Variants in BTN3A3 observed in about 807,000 individuals in gnomAD.
BTN3A3 encodes butyrophilin 3.
BTN3A3 carries 39 observed loss-of-function variants against 43.2 expected under a neutral mutation model. The ratio of observed to expected loss-of-function variants is 0.90; its 90% CI spans 0.70 to 1.18. The LOEUF (loss-of-function observed/expected upper bound fraction) is 1.18, where lower values mean the gene tolerates loss of function less well. BTN3A3 is among the 50% of genes most tolerant of loss of function. The pLI is 0.00. For synonymous variants in BTN3A3, 255 were observed against 272.7 expected, an observed-to-expected ratio of 0.93 and a Z score of 0.64; for missense variants, 631 against 722.8, an observed-to-expected ratio of 0.87 and a Z score of 1.46.
intron 1 of BTN3A3, among the ~76,000 whole-genome samples, chr6:26,442,541 C>A (rs1227805889): frequency 6.6e-6 from 1 of 152,144 alleles, no homozygotes; most frequent in Non-Finnish European, 1.5e-5. Flanking sequence ...CTTAGTGTAT[C>A]ACCATTATCT....
chr6:26,448,105 G>A, intron 5 of BTN3A3, 143 bp from the exon 6 acceptor site: 1 of 938,498 alleles, frequency 1.1e-6, no homozygotes, highest in Non-Finnish European at 1.5e-6. Flanking sequence ...AGTCCTCTGA[G>A]ACTTTAGGGA....
intron 10 of BTN3A3, 97 bp from the exon 11 acceptor site, chr6:26,451,578 A>G: frequency 4.0e-6 from 6 of 1,511,160 alleles, no homozygotes; most frequent in Middle Eastern, 4.9e-4. Flanking sequence ...CAGGTTCTGG[A>G]AGGACCTCCT....
intron 10 of BTN3A3, among the ~76,000 whole-genome samples, chr6:26,451,221 C>T (rs1211254969): frequency 6.6e-6 from 1 of 152,098 alleles, no homozygotes; most frequent in African/African-American, 2.4e-5. Context: ...ATTTTTATCC[C>T]CATTTTTCAG....
Position 26,451,769 on chromosome 6 carries a change from G to A in BTN3A3, c.1113G>A (p.Leu371=), listed in dbSNP as rs1315237765. The A allele has an allele frequency of 6.8e-6, 11 of 1,614,032 alleles. No homozygotes were observed. The highest frequency in any genetic ancestry group is 8.5e-6 in the Non-Finnish European group (10 of 1,179,884). The change falls in exon 11 of 11, where the codon CTG becomes CTA. Residue 371 remains leucine (L), a synonymous_variant. Transcript: ENST00000244519. ...AGCGTGCTGAAGAGCCGCGGGATCT[G>A]CCAGACAACCCTGAGAGATTTGAAT... ...SVQRAEEPRD[L]PDNPERFEWR...
chr6:26,444,604 C>G, intron 4 of BTN3A3: 2 of 539,180 alleles, frequency 3.7e-6, no homozygotes. Context: ...GACTGGTACA[C>G]AGTCATTTTG....
At position 26,452,534 on chromosome 6, in the gene BTN3A3, A is replaced by G. The variant is rs1762959938; in HGVS notation, c.*123A>G. 2 of 804,012 alleles carry G rather than the reference A, an allele frequency of 2.5e-6. No individual in the cohort carries two copies. The highest frequency in any genetic ancestry group is 3.8e-6 in the Non-Finnish European group (2 of 523,016). 49.8% of individuals were successfully genotyped at this position (804,012 alleles called of 1,614,324 possible). On this transcript the variant is annotated 3_prime_UTR_variant, in exon 11 of 11. Coordinates refer to ENST00000244519, the MANE Select transcript of BTN3A3 (RefSeq NM_006994.5). Reference sequence around the variant, plus strand: ...TTAACTTTACAAAGTAGACATGACAAGTGAACAGCAGAGCTGGGATCTAAA... The same window carrying G: ...TTAACTTTACAAAGTAGACATGACAGGTGAACAGCAGAGCTGGGATCTAAA...
chr6:26,446,047 T>C lies in BTN3A3; in HGVS notation c.715+62T>C, dbSNP rs553737662. 4.4e-5 allele frequency: 71 copies of C among 1,597,066 alleles called. 1 individual carries two copies. In the African/African-American group the frequency reaches 7.1e-4, roughly 16 times the overall value. On this transcript the variant is annotated intron_variant, in intron 5 of 10. Transcript: ENST00000244519. ...AGCTGTGGCAGGTGATGAAGGGGGA[T>C]GTGTGAGTCTCTACTGTGTGAGTCT...
At position 26,451,916 on chromosome 6, in the gene BTN3A3, A is replaced by T. The variant is rs1762942035; in HGVS notation, c.1260A>T (p.Lys420Asn). The T allele has an allele frequency of 6.2e-7, 1 of 1,614,046 alleles. No homozygotes were observed. Among genetic ancestry groups the T allele is most frequent in the South Asian group, 1.1e-5 (1 of 91,092 alleles). Reference protein sequence around the residue: ...GVCSKNVERKKGWVKMTPENG... With the variant: ...GVCSKNVERKNGWVKMTPENG... ...GTAGTAAGAACGTGGAGAGGAAAAA[A>T]GGTTGGGTCAAAATGACACCGGAGA... Residue 420 changes from lysine (K) to asparagine (N), a missense_variant, in exon 11 of 11, where the codon AAA (lysine) becomes AAT (asparagine). By Grantham distance (94) the Lys-to-Asn change is moderately conservative (BLOSUM62 0). Transcript: ENST00000244519.
intron 8 of BTN3A3, among the ~76,000 whole-genome samples, chr6:26,449,072 G>A (rs1339696768): frequency 6.6e-6 from 1 of 152,214 alleles, no homozygotes; most frequent in South Asian, 2.1e-4. Flanking sequence ...AGGATGAGGT[G>A]CATTTTCTGT....
rs777769274 is a variant in BTN3A3, at chr6:26,448,436, ATAAGCC to A, written c.909_914del (p.Ser303_Leu304del). 1 of 1,613,788 alleles carries A rather than the reference ATAAGCC, an allele frequency of 6.2e-7. No homozygotes were observed. ...GGGATACGCTGCAACAGAGCAAGAA[ATAAGCC>A]TAAGAGGTATCCAACGCAAGCAGAG... is the stretch of plus-strand genomic sequence containing the variant. On this transcript the variant is annotated inframe_deletion, in exon 6 of 11. Coordinates refer to ENST00000244519, the MANE Select transcript of BTN3A3 (RefSeq NM_006994.5).
At chr6:26,451,622 G>T (rs1762931975) in intron 10 of BTN3A3, 53 bp from the exon 11 acceptor site, 6 of 1,565,930 alleles carry the variant, frequency 3.8e-6, no homozygotes, top group Non-Finnish European at 5.2e-6. Context: ...CTGAGGCTCT[G>T]AAATCCAGGA....
rs748293471 is a variant in BTN3A3 at position 26,445,780 on chromosome 6, C to T, written c.510C>T (p.Gly170=). 1 of 1,614,190 alleles carries T rather than the reference C, an allele frequency of 6.2e-7. No homozygotes were observed. The highest frequency in any genetic ancestry group is 8.5e-7 in the Non-Finnish European group (1 of 1,180,030). The part of the protein sequence containing the change: ...GGIHLECRST[G]WYPQPQIKWS... ...TCCATCTGGAGTGCAGGTCCACTGG[C>T]TGGTACCCCCAACCCCAAATAAAGT... Residue 170 remains glycine (G), a synonymous_variant, in exon 5 of 11, where the codon GGC becomes GGT. Coordinates refer to ENST00000244519, the MANE Select transcript of BTN3A3 (RefSeq NM_006994.5).
intron 10 of BTN3A3, 26 bp from the exon 11 acceptor site, chr6:26,451,649 T>G (rs372470667): frequency 2.5e-6 from 4 of 1,590,676 alleles, no homozygotes. Flanking sequence ...GCTGACCCCA[T>G]GGACACCTCC....
chr6:26,450,074 A>G (rs1762888597), intron 9 of BTN3A3, 33 bp from the exon 10 acceptor site: 7 of 1,609,100 alleles, frequency 4.4e-6, no homozygotes, highest in Admixed American at 1.7e-5. Context: ...AAAAATACTG[A>G]CCTTTTTCTT....
chr6:26,448,646 C>G lies in BTN3A3; in HGVS notation c.937+9C>G. On this transcript the variant is annotated intron_variant, in intron 7 of 10. Coordinates refer to ENST00000244519, the MANE Select transcript of BTN3A3 (RefSeq NM_006994.5). ...GCTCCAGGAGGAACTCAGTAAGTTC[C>G]CATTCCCCAGGAGACCCAGGCATGT... is the stretch of plus-strand genomic sequence containing the variant. 6.2e-7 allele frequency: 1 copy of G among 1,613,968 alleles called. No individual in the cohort carries two copies. Among genetic ancestry groups the G allele is most frequent in the African/African-American group, 1.3e-5 (1 of 74,966 alleles).
intron 5 of BTN3A3, among the ~76,000 whole-genome samples, chr6:26,447,555 T>C (rs1050553221): frequency 6.6e-6 from 1 of 152,026 alleles, no homozygotes; most frequent in Admixed American, 6.5e-5. Context: ...TAAACATGGG[T>C]TTTCACCGTG....
At chr6:26,447,562 C>T (rs1429359226) in intron 5 of BTN3A3, among the ~76,000 whole-genome samples, 3 of 152,118 alleles carry the variant, frequency 2.0e-5, no homozygotes, top group African/African-American at 7.2e-5. Context: ...GGGTTTTCAC[C>T]GTGTCGGCCA....
In BTN3A3 at chr6:26,445,986, G is replaced by T. The variant is rs145416805; in HGVS notation, c.715+1G>T. On this transcript the variant is annotated splice_donor_variant, in intron 5 of 10. Transcript: ENST00000244519. LOFTEE classifies it high-confidence loss of function. ...AAGACAGCCAGCATATCCATCGCAG[G>T]TCAGTACCCTGCTTGGCCTCAGCTT... The T allele has an allele frequency of 5.0e-6, 8 of 1,614,024 alleles. No individual in the cohort carries two copies. The highest frequency in any genetic ancestry group is 5.1e-6 in the Non-Finnish European group (6 of 1,179,902).
At chr6:26,449,639 C>A in intron 8 of BTN3A3, 23 bp from the exon 9 acceptor site, 1 of 1,614,036 alleles carries the variant, frequency 6.2e-7, no homozygotes, top group Non-Finnish European at 8.5e-7. Context: ...TCAGGTGACA[C>A]CTCTATCTTT....
Sources: gnomAD v4.1 joint callset for allele counts (sites outside exome capture counted in the v4.1 genomes callset) on GRCh38, gnomAD v4.1.1 for gene constraint, MANE v1.5 for transcripts, NCBI Gene and HGNC (gene_info 2026-07-23, HGNC 2026-07-21) for gene names.